The following SPAG16 variants were observed in gnomAD, a reference collection of about 807,000 sequenced individuals.
SPAG16 encodes sperm associated antigen 16.
SPAG16 carries 86 observed loss-of-function variants against 80.4 expected under a neutral mutation model. The ratio of observed to expected loss-of-function variants is 1.07; its 90% CI spans 0.90 to 1.28. SPAG16 has a LOEUF of 1.28. SPAG16 is among the 50% of genes most tolerant of loss of function. SPAG16 has a pLI of 0.00. For missense variants in SPAG16, 870 were observed against 765.3 expected, an observed-to-expected ratio of 1.14 and a Z score of -1.61; for synonymous variants, 294 against 265.9, an observed-to-expected ratio of 1.11 and a Z score of -1.03.
chr2:214,341,127 G>C (rs537901706), intron 15 of SPAG16, among the ~76,000 whole-genome samples: 20 of 152,182 alleles, frequency 1.3e-4, no homozygotes, highest in African/African-American at 4.8e-4. Context: ...ACTTGAAAAA[G>C]AAAGAACCGT....
intron 14 of SPAG16, among the ~76,000 whole-genome samples, chr2:214,139,086 T>G (rs140030575): frequency 3.9e-5 from 6 of 152,290 alleles, no homozygotes; most frequent in Non-Finnish European, 5.9e-5. Context: ...CATTCTTTCT[T>G]CTGTCTAGGT....
intron 13 of SPAG16, among the ~76,000 whole-genome samples, chr2:214,021,292 G>A (rs141236549): frequency 6.6e-6 from 1 of 152,194 alleles, no homozygotes; most frequent in East Asian, 1.9e-4. Context: ...CTGTTTTCAC[G>A]CTGCTGATAA....
chr2:214,143,924 A>C (rs1055261346), intron 14 of SPAG16, among the ~76,000 whole-genome samples: 6 of 152,110 alleles, frequency 3.9e-5, no homozygotes, highest in African/African-American at 1.4e-4. Flanking sequence ...TCGGCAGGTC[A>C]AGGTGGGAGG....
At chr2:213,688,214 A>G (rs1263965583) in intron 10 of SPAG16, among the ~76,000 whole-genome samples, 1 of 152,180 alleles carries the variant, frequency 6.6e-6, no homozygotes, top group African/African-American at 2.4e-5. Context: ...TCAGGTTAAG[A>G]TAAAGATTGT....
intron 13 of SPAG16, among the ~76,000 whole-genome samples, chr2:214,096,656 A>C (rs188423083): frequency 5.3e-5 from 8 of 152,226 alleles, no homozygotes; most frequent in African/African-American, 1.9e-4. Flanking sequence ...CCTAGAACAA[A>C]GAAATAAAAA....
At chr2:214,250,751 TATATATAGAGAGAGAGAG>T (rs904910920) in intron 15 of SPAG16, among the ~76,000 whole-genome samples, 2 of 98,846 alleles carry the variant, frequency 2.0e-5, no homozygotes, top group Admixed American at 1.2e-4. Context: ...TATATATATA[TATATATAGAGAGAGAGAG>T]AGAGAGAGAG....
chr2:213,592,069 T>G (rs1039716403), intron 10 of SPAG16, among the ~76,000 whole-genome samples: 1 of 152,236 alleles, frequency 6.6e-6, no homozygotes, highest in Non-Finnish European at 1.5e-5. Context: ...CAATTATGTT[T>G]GAAATTTTAT....
chr2:213,313,208 T>C (rs887269784), intron 4 of SPAG16, among the ~76,000 whole-genome samples: 4 of 151,794 alleles, frequency 2.6e-5, no homozygotes, highest in Non-Finnish European at 5.9e-5. Flanking sequence ...CCACTATAAA[T>C]ACATCTGCAC....
intron 10 of SPAG16, among the ~76,000 whole-genome samples, chr2:213,558,129 A>G (rs1292312776): frequency 6.6e-6 from 1 of 152,148 alleles, no homozygotes; most frequent in African/African-American, 2.4e-5. Context: ...CCTTATAAAC[A>G]TATTAGTGCT....
At chr2:214,211,405 A>G (rs974620120) in intron 15 of SPAG16, among the ~76,000 whole-genome samples, 4 of 152,194 alleles carry the variant, frequency 2.6e-5, no homozygotes, top group African/African-American at 9.7e-5. Context: ...GGCCTTGAGG[A>G]TAATATTGCT....
chr2:213,923,710 C>G (rs1162940149), intron 11 of SPAG16, among the ~76,000 whole-genome samples: 1 of 152,174 alleles, frequency 6.6e-6, no homozygotes, highest in Non-Finnish European at 1.5e-5. Context: ...GCGGGAAGCT[C>G]TAGCACACAT....
intron 15 of SPAG16, among the ~76,000 whole-genome samples, chr2:214,234,561 G>C (rs1688946233): frequency 6.6e-6 from 1 of 151,996 alleles, no homozygotes; most frequent in Non-Finnish European, 1.5e-5. Context: ...TTGTTTATTT[G>C]ACTTTTTAAT....
chr2:213,499,297 A>G (rs1173256904), intron 10 of SPAG16, among the ~76,000 whole-genome samples: 2 of 152,160 alleles, frequency 1.3e-5, no homozygotes, highest in African/African-American at 4.8e-5. Context: ...TACTAGGTAC[A>G]TAACATAGAA....
At chr2:213,895,622 A>G (rs1462925822) in intron 11 of SPAG16, among the ~76,000 whole-genome samples, 2 of 152,202 alleles carry the variant, frequency 1.3e-5, no homozygotes, top group South Asian at 2.1e-4. Flanking sequence ...CATCCAACTC[A>G]TCTTTGGCTA....
chr2:213,615,535 G>A (rs1034971837), intron 10 of SPAG16, among the ~76,000 whole-genome samples: 3 of 152,112 alleles, frequency 2.0e-5, no homozygotes, highest in Admixed American at 6.5e-5. Flanking sequence ...AGGTTGCAGC[G>A]AGCTGAGATC....
In SPAG16 at chr2:213,330,900, A is replaced by T. The variant is rs549968833; in HGVS notation, c.537-9263A>T. 9.2e-5 allele frequency among the ~76,000 whole-genome samples: 14 copies of T among 152,114 alleles called. No individual in the cohort carries two copies. In the South Asian group the frequency reaches 2.9e-3, roughly 32 times the overall value. The stretch of plus-strand genomic sequence containing the variant: ...TTGATGGTTTTAAAAAGGGGAGTTT[A>T]CCTGCACAAGCTCACTTTTTTTTGC... On this transcript the variant is annotated intron_variant, in intron 5 of 15. Coordinates refer to ENST00000331683, the MANE Select transcript of SPAG16 (RefSeq NM_024532.5).
At chr2:213,647,842 C>A (rs2062874607) in intron 10 of SPAG16, among the ~76,000 whole-genome samples, 1 of 152,162 alleles carries the variant, frequency 6.6e-6, no homozygotes, top group South Asian at 2.1e-4. Flanking sequence ...ATTTTTTATT[C>A]TTCAGGACTA....
At chr2:214,083,671 C>A (rs572779048) in intron 13 of SPAG16, among the ~76,000 whole-genome samples, 3 of 152,166 alleles carry the variant, frequency 2.0e-5, no homozygotes, top group African/African-American at 7.2e-5. Context: ...CCCAACAACT[C>A]TTTTTTTAAA....
chr2:213,637,009 A>G (rs1001882331), intron 10 of SPAG16, among the ~76,000 whole-genome samples: 4 of 152,128 alleles, frequency 2.6e-5, no homozygotes, highest in Non-Finnish European at 5.9e-5. Flanking sequence ...AGATGGTGAA[A>G]GTGGGCATCC....
Sources: gnomAD v4.1 joint callset for allele counts (sites outside exome capture counted in the v4.1 genomes callset) on GRCh38, gnomAD v4.1.1 for gene constraint, MANE v1.5 for transcripts, NCBI Gene and HGNC (gene_info 2026-07-23, HGNC 2026-07-21) for gene names.